The following IKZF4 variants were observed in gnomAD, a reference collection of about 807,000 sequenced individuals.
IKZF4 encodes the protein zinc finger protein Eos.
IKZF4 carries 11 observed loss-of-function variants against 47.7 expected under a neutral mutation model. The observed-to-expected ratio is 0.23, with a 90% CI of 0.15 to 0.38. IKZF4 has a LOEUF of 0.38. Ranked by LOEUF, IKZF4 falls within the 10% of genes least tolerant of loss-of-function variation. The pLI is 1.00. For missense variants in IKZF4, 557 were observed against 784.9 expected (o/e 0.71, Z 3.47); for synonymous variants, 298 against 299.4 (o/e 1.00, Z 0.05).
intron 1 of IKZF4, chr12:56,007,873 G>A (rs1471585332): frequency 6.6e-6 from 1 of 152,530 alleles, no homozygotes; most frequent in Non-Finnish European, 1.5e-5. Flanking sequence ...AGGGTCGCGG[G>A]TTGGGCTGGG....
At chr12:56,027,479 C>A (rs1257757973) in intron 4 of IKZF4, among the ~76,000 whole-genome samples, 1 of 152,108 alleles carries the variant, frequency 6.6e-6, no homozygotes, top group Non-Finnish European at 1.5e-5. Context: ...TTCCTTGGGC[C>A]TTGGGCTCCT....
At chr12:56,025,250 C>A in intron 3 of IKZF4, 92 bp downstream of exon 3, 1 of 1,333,858 alleles carries the variant, frequency 7.5e-7, no homozygotes, top group Non-Finnish European at 1.0e-6. Context: ...ATTTCCCCAT[C>A]GTCACCTCCT....
At chr12:56,016,424 C>CTT (rs1316176573), upstream of IKZF4, among the ~76,000 whole-genome samples, 8 of 132,886 alleles carry the variant, frequency 6.0e-5, no homozygotes, top group Non-Finnish European at 9.8e-5. Flanking sequence ...TTTTTCTTTT[C>CTT]TTTTTTTTTT....
At position 56,032,564 on chromosome 12, in the gene IKZF4, C is replaced by A; in HGVS notation, c.719C>A (p.Ser240Tyr). The A allele has an allele frequency of 6.2e-7, 1 of 1,612,102 alleles. No homozygotes were observed. The highest frequency in any genetic ancestry group is 2.2e-5 in the East Asian group (1 of 44,846). Reference sequence around the variant, plus strand: ...ATCTTTCCACTCTCCTCCACAGTCTCCTCTCCCACAGTGGGCAAGCCCTAC... The same window carrying A: ...ATCTTTCCACTCTCCTCCACAGTCTACTCTCCCACAGTGGGCAAGCCCTAC... ...LTGHLRTHSV[S>Y]SPTVGKPYKC... Residue 240 changes from serine (S) to tyrosine (Y), a missense_variant, in exon 6 of 8, where the codon TCC (serine) becomes TAC (tyrosine). Ser to Tyr is a moderately radical substitution (Grantham distance 144). This residue lies in a region of IKZF4 where 72 missense variants were observed against 112.4 expected (regional missense o/e 0.64). Coordinates refer to ENST00000547167, the MANE Select transcript of IKZF4 (RefSeq NM_022465.4).
rs1895757373 is a variant in IKZF4 at position 56,037,973 on chromosome 12, A to G, written c.*2642A>G. 6.6e-6 allele frequency: 1 copy of G among 151,736 alleles called. No individual in the cohort carries two copies. Among genetic ancestry groups the G allele is most frequent in the Admixed American group, 6.6e-5 (1 of 15,216 alleles). 9.4% of individuals were successfully genotyped at this position (151,736 alleles called of 1,614,324 possible). ...TATTTCTAAGTAGACACTTTTCCAG[A>G]CCTTTGTTTTTTTGTGTCAGTGTCC... is the stretch of plus-strand genomic sequence containing the variant. On this transcript the variant is annotated 3_prime_UTR_variant, in exon 8 of 8. Coordinates refer to ENST00000547167, the MANE Select transcript of IKZF4 (RefSeq NM_022465.4).
At chr12:56,009,726 C>T (rs1162718581) in intron 1 of IKZF4, among the ~76,000 whole-genome samples, 1 of 152,164 alleles carries the variant, frequency 6.6e-6, no homozygotes, top group Non-Finnish European at 1.5e-5. Flanking sequence ...GTCTCAAACA[C>T]AAAATATAAT....
At chr12:56,013,087 T>C (rs888578880) in intron 2 of IKZF4, among the ~76,000 whole-genome samples, 1 of 152,208 alleles carries the variant, frequency 6.6e-6, no homozygotes, top group Admixed American at 6.5e-5. Flanking sequence ...CACAGAGATA[T>C]TCCTTTTGAA....
chr12:56,012,497 T>G (rs1891456702), intron 2 of IKZF4, among the ~76,000 whole-genome samples: 1 of 152,136 alleles, frequency 6.6e-6, no homozygotes, highest in East Asian at 1.9e-4. Context: ...GGTCTCGAAC[T>G]CCTGACCTCA....
chr12:56,014,791 CA>C (rs1891801656), intron 2 of IKZF4, among the ~76,000 whole-genome samples: 2 of 151,628 alleles, frequency 1.3e-5, no homozygotes, highest in South Asian at 4.2e-4. Context: ...AAAAAAAAAA[CA>C]AAAACAAAAA....
In IKZF4 at chr12:56,037,217, C is replaced by T. The variant is rs1444026841; in HGVS notation, c.*1886C>T. The T allele has an allele frequency of 6.6e-6, 1 of 152,576 alleles. No individual in the cohort carries two copies. The highest frequency in any genetic ancestry group is 1.5e-5 in the Non-Finnish European group (1 of 68,034). The allele number at this position is 152,576 out of a possible 1,614,324, so 9.5% of individuals were successfully genotyped here. The stretch of plus-strand genomic sequence containing the variant: ...CCTCTTTGTCCTCCTTTTTCTCCCC[C>T]ACTCTGAGGTTTCCCCAAGAGAACC... On this transcript the variant is annotated 3_prime_UTR_variant, in exon 8 of 8. Coordinates refer to ENST00000547167, the MANE Select transcript of IKZF4 (RefSeq NM_022465.4).
chr12:56,021,688 CTGTGTGTGTGTGTGTG>C (rs67296911), intron 1 of IKZF4, 108 bp downstream of exon 1: 94 of 658,852 alleles, frequency 1.4e-4, no homozygotes, highest in East Asian at 8.6e-4. Flanking sequence ...AGGATGGGGG[CTGTGTGTGTGTGTGTG>C]TGTGTGTGTG....
In IKZF4 at chr12:56,035,314, G is replaced by A; in HGVS notation, c.1741G>A (p.Glu581Lys). The A allele has an allele frequency of 6.2e-7, 1 of 1,611,476 alleles. No homozygotes were observed. The highest frequency in any genetic ancestry group is 8.5e-7 in the Non-Finnish European group (1 of 1,178,366). The part of the protein sequence containing the change: ...YEFSSHIVRG[E>K]HKVG ...ATTCTCTTCCCACATTGTCCGGGGG[G>A]AGCATAAGGTGGGCTAGCAACCTCT... is the stretch of plus-strand genomic sequence containing the variant. The change falls in exon 8 of 8, where the codon GAG (glutamate) becomes AAG (lysine). Residue 581 changes from glutamate (E) to lysine (K), a missense_variant. Coordinates refer to ENST00000547167, the MANE Select transcript of IKZF4 (RefSeq NM_022465.4). The surrounding 1 kb of genome is among the most constrained non-coding windows in gnomAD (Gnocchi z 6.1).
chr12:56,023,869 C>T (rs1408410096), intron 2 of IKZF4, 105 bp downstream of exon 2: 10 of 1,518,878 alleles, frequency 6.6e-6, no homozygotes, highest in Non-Finnish European at 8.8e-6. Flanking sequence ...CTTGCTTTCT[C>T]TTTCTCTCTT....
In IKZF4 at chr12:56,033,295, A is replaced by C. The variant is rs1439258929; in HGVS notation, c.971A>C (p.Lys324Thr). Reference protein sequence around the residue: ...DRLANSLTKRKRSTPQKFVGE... With the variant: ...DRLANSLTKRTRSTPQKFVGE... ...CTGGCCAATAGCCTCACCAAACGCA[A>C]GCGTTCCACACCCCAGAAGTTTGTA... is the stretch of plus-strand genomic sequence containing the variant. Residue 324 changes from lysine (K) to threonine (T), a missense_variant, in exon 7 of 8, where the codon AAG (lysine) becomes ACG (threonine). Physicochemically the swap from Lys to Thr is moderately conservative, Grantham distance 78. Around this residue, in one of 6 missense-constraint regions of IKZF4, gnomAD observed 280 missense variants for 314.0 expected, o/e 0.89. Transcript: ENST00000547167. 6.2e-7 allele frequency: 1 copy of C among 1,614,046 alleles called. No homozygotes were observed.
At chr12:56,021,857 T>C in intron 1 of IKZF4, 1 of 513,386 alleles carries the variant, frequency 1.9e-6, no homozygotes, top group South Asian at 2.2e-5. Flanking sequence ...GCCTTGGGGA[T>C]AGAGGTAGAG....
In IKZF4 at chr12:56,034,585, C is replaced by T. The variant is rs775496873; in HGVS notation, c.1012C>T (p.Arg338Cys). The T allele has an allele frequency of 9.3e-6, 15 of 1,607,116 alleles. No homozygotes were observed. Among genetic ancestry groups the T allele is most frequent in the South Asian group, 6.6e-5 (6 of 90,420 alleles). Reference sequence around the variant, plus strand: ...GTTCTCCACAGGCGAAAAGCAGATGCGCTTCAGCCTCTCAGACCTCCCCTA... The same window carrying T: ...GTTCTCCACAGGCGAAAAGCAGATGTGCTTCAGCCTCTCAGACCTCCCCTA... The part of the protein sequence containing the change: ...PQKFVGEKQM[R>C]FSLSDLPYDV... The change falls in exon 8 of 8, where the codon CGC (arginine) becomes TGC (cysteine). Residue 338 changes from arginine to cysteine, a missense_variant. Around this residue, in one of 6 missense-constraint regions of IKZF4, gnomAD observed 280 missense variants for 314.0 expected, o/e 0.89. Coordinates refer to ENST00000547167, the MANE Select transcript of IKZF4 (RefSeq NM_022465.4).
chr12:56,011,101 G>C (rs1891273936), intron 1 of IKZF4: 1 of 152,154 alleles, frequency 6.6e-6, no homozygotes, highest in Non-Finnish European at 1.5e-5. Flanking sequence ...TGCTAACCCT[G>C]TTTTGGGCAT....
intron 7 of IKZF4, among the ~76,000 whole-genome samples, chr12:56,033,559 T>G (rs1895207181): frequency 6.6e-6 from 1 of 151,872 alleles, no homozygotes; most frequent in Non-Finnish European, 1.5e-5. Flanking sequence ...TACAAAAAAT[T>G]AGCCGGGCGT....
At chr12:56,021,619 G>A (rs376548165) in intron 1 of IKZF4, 39 bp downstream of exon 1, 2 of 1,568,346 alleles carry the variant, frequency 1.3e-6, no homozygotes, top group East Asian at 2.4e-5. Context: ...AGGGAGGAAG[G>A]GGGGTGCTGG....
Sources: gnomAD v4.1 joint callset for allele counts (sites outside exome capture counted in the v4.1 genomes callset) on GRCh38, gnomAD v4.1.1 for gene constraint, gnomAD v4.1.1 regional missense constraint, Gnocchi (gnomAD v3.1) non-coding constraint, MANE v1.5 for transcripts, NCBI Gene and HGNC (gene_info 2026-07-23, HGNC 2026-07-21) for gene names.